CLMP: variants seen among roughly 807,000 people sequenced by gnomAD.
CLMP encodes CXADR-like membrane protein.
In CLMP, 27 loss-of-function variants were observed where a neutral mutation model predicts 45.2. That is an observed-to-expected ratio of 0.60 (90% CI 0.44 to 0.82). The LOEUF (loss-of-function observed/expected upper bound fraction) is 0.82. Ranked by LOEUF, CLMP falls within the 40% of genes least tolerant of loss-of-function variation. The pLI is 0.00. For missense variants in CLMP, 403 were observed against 448.4 expected, an observed-to-expected ratio of 0.90 and a Z score of 0.91; for synonymous variants, 167 against 171.4, an observed-to-expected ratio of 0.97 and a Z score of 0.20.
intron 1 of CLMP, among the ~76,000 whole-genome samples, chr11:123,181,956 T>C (rs1276933408): frequency 6.6e-6 from 1 of 152,248 alleles, no homozygotes; most frequent in Non-Finnish European, 1.5e-5. Context: ...CTACTGGGCA[T>C]GTGACTTGGA....
chr11:123,087,623 C>A (rs532543004), intron 2 of CLMP, among the ~76,000 whole-genome samples: 1 of 151,934 alleles, frequency 6.6e-6, no homozygotes, highest in Admixed American at 6.6e-5. Context: ...GAGATCGAGA[C>A]CATCCTGGCC....
At chr11:123,076,175 GAGTAGAATAAA>G (rs1865738294) in intron 5 of CLMP, among the ~76,000 whole-genome samples, 2 of 151,888 alleles carry the variant, frequency 1.3e-5, no homozygotes, top group South Asian at 4.1e-4. Flanking sequence ...AAAAAATTTT[GAGTAGAATAAA>G]AGTTGATTTT....
At chr11:123,122,585 T>A (rs889769525) in intron 1 of CLMP, among the ~76,000 whole-genome samples, 1 of 152,114 alleles carries the variant, frequency 6.6e-6, no homozygotes, top group Non-Finnish European at 1.5e-5. Flanking sequence ...CTGCTCAGCA[T>A]GATAGAAAAG....
intron 2 of CLMP, among the ~76,000 whole-genome samples, chr11:123,087,322 A>T (rs1426556576): frequency 6.6e-6 from 1 of 151,692 alleles, no homozygotes; most frequent in Non-Finnish European, 1.5e-5. Flanking sequence ...GAGCAACAAG[A>T]GCGAAACTCC....
chr11:123,126,131 T>A (rs1860891680), intron 1 of CLMP, among the ~76,000 whole-genome samples: 1 of 152,242 alleles, frequency 6.6e-6, no homozygotes, highest in African/African-American at 2.4e-5. Context: ...TGAATTTCTT[T>A]TTTATCCATT....
intron 1 of CLMP, among the ~76,000 whole-genome samples, chr11:123,161,134 G>T (rs1259971671): frequency 6.6e-6 from 1 of 152,196 alleles, no homozygotes; most frequent in Non-Finnish European, 1.5e-5. Flanking sequence ...TATGTACCAG[G>T]TGCCTACTAC....
At chr11:123,092,268 CCACACACACA>C (rs112488631) in intron 2 of CLMP, among the ~76,000 whole-genome samples, 1 of 148,002 alleles carries the variant, frequency 6.8e-6, no homozygotes, top group Non-Finnish European at 1.5e-5. Flanking sequence ...AATCTTGTCT[CCACACACACA>C]CACACACACA....
chr11:123,093,171 G>T (rs1390787991), intron 2 of CLMP, among the ~76,000 whole-genome samples: 2 of 152,024 alleles, frequency 1.3e-5, no homozygotes, highest in Admixed American at 6.6e-5. Context: ...CTCCCAAAGT[G>T]CTGGAATTAC....
chr11:123,073,815 G>A (rs770323483), intron 6 of CLMP, 41 bp from the exon 7 acceptor site: 28 of 1,526,024 alleles, frequency 1.8e-5, no homozygotes, highest in Non-Finnish European at 2.5e-5. Flanking sequence ...TGGCAGATCT[G>A]TGATTGCTTC....
In CLMP at chr11:123,195,059, G is replaced by T; in HGVS notation, c.-119C>A. 1.0e-6 allele frequency: 1 copy of T among 963,566 alleles called. No individual in the cohort carries two copies. Among genetic ancestry groups the T allele is most frequent in the Non-Finnish European group, 1.4e-6 (1 of 701,360 alleles). The allele number at this position is 963,566 out of a possible 1,614,324, so 59.7% of individuals were successfully genotyped here. On this transcript the variant is annotated 5_prime_UTR_variant, in exon 1 of 7. Coordinates refer to ENST00000448775, the MANE Select transcript of CLMP (RefSeq NM_024769.5). Reference sequence around the variant, plus strand: ...GGCGCCTCGGGGTGCGCGCGAGGTGGCTGCAGCCATGTGCCGGGCGGGAGC... The same window carrying T: ...GGCGCCTCGGGGTGCGCGCGAGGTGTCTGCAGCCATGTGCCGGGCGGGAGC...
chr11:123,154,366 T>G (rs972695987), intron 1 of CLMP, among the ~76,000 whole-genome samples: 1 of 152,140 alleles, frequency 6.6e-6, no homozygotes, highest in Non-Finnish European at 1.5e-5. Context: ...GCACATTGGC[T>G]GGGGAGACAG....
chr11:123,130,955 G>C (rs1422095226), intron 1 of CLMP, among the ~76,000 whole-genome samples: 2 of 147,370 alleles, frequency 1.4e-5, no homozygotes, highest in African/African-American at 2.5e-5. Context: ...TGATTCTCCT[G>C]CCTCAGCCTC....
intron 1 of CLMP, among the ~76,000 whole-genome samples, chr11:123,125,535 C>CCCTT (rs1565390082): frequency 0.079 from 5,349 of 67,378 alleles, 253 homozygotes; most frequent in Non-Finnish European, 0.11. Context: ...TCCCTTCCCT[C>CCCTT]CCCTTCCCTC....
At chr11:123,143,504 G>A (rs1414599454) in intron 1 of CLMP, among the ~76,000 whole-genome samples, 2 of 147,218 alleles carry the variant, frequency 1.4e-5, no homozygotes, top group Non-Finnish European at 3.0e-5. Flanking sequence ...GCTGCCATGT[G>A]AACCGCCTAT....
At chr11:123,172,852 G>A (rs4379860) in intron 1 of CLMP, among the ~76,000 whole-genome samples, 2,637 of 152,220 alleles carry the variant, frequency 0.017, 118 homozygotes, top group Admixed American at 0.092. Context: ...TGGAATTATT[G>A]GGCCAAGGCT....
chr11:123,119,600 A>C (rs528545363), intron 1 of CLMP, among the ~76,000 whole-genome samples: 16 of 152,080 alleles, frequency 1.1e-4, no homozygotes, highest in Non-Finnish European at 8.8e-5. Flanking sequence ...AACAGAACAA[A>C]ATAGTATACA....
At chr11:123,094,053 G>T (rs1337037930) in intron 2 of CLMP, among the ~76,000 whole-genome samples, 1 of 152,182 alleles carries the variant, frequency 6.6e-6, no homozygotes, top group Non-Finnish European at 1.5e-5. Context: ...ATTTATGAAG[G>T]TAATACAGCT....
intron 1 of CLMP, among the ~76,000 whole-genome samples, chr11:123,124,387 C>G (rs928109540): frequency 1.2e-4 from 18 of 152,098 alleles, no homozygotes; most frequent in African/African-American, 4.1e-4. Flanking sequence ...TCTATTTCAC[C>G]CCTACCCCAC....
intron 1 of CLMP, among the ~76,000 whole-genome samples, chr11:123,105,370 TCC>T (rs1860527920): frequency 1.5e-5 from 1 of 67,402 alleles, no homozygotes; most frequent in African/African-American, 5.8e-5. Context: ...CCTCCCTCCC[TCC>T]CTCCCTCCCT....
Sources: gnomAD v4.1 joint callset for allele counts (sites outside exome capture counted in the v4.1 genomes callset) on GRCh38, gnomAD v4.1.1 for gene constraint, MANE v1.5 for transcripts, NCBI Gene and HGNC (gene_info 2026-07-23, HGNC 2026-07-21) for gene names.